Variants in ZNF721 observed in about 807,000 individuals in gnomAD.
ZNF721 encodes zinc finger protein 721.
ZNF721 carries 2 observed loss-of-function variants against 2.4 expected under a neutral mutation model. The ratio of observed to expected loss-of-function variants is 0.82; its 90% CI spans 0.34 to 2.58. The LOEUF (loss-of-function observed/expected upper bound fraction) is 2.58, where lower values mean the gene tolerates loss of function less well. Ranked by LOEUF, ZNF721 falls within the 30% of genes most tolerant of loss-of-function variation. The pLI is 0.11. For synonymous variants in ZNF721, 398 were observed against 381.8 expected, an observed-to-expected ratio of 1.04 and a Z score of -0.50; for missense variants, 1,187 against 1,085.5, an observed-to-expected ratio of 1.09 and a Z score of -1.31.
chr4:442,138 C>T lies in ZNF721; in HGVS notation c.2329G>A (p.Gly777Arg), dbSNP rs1374867517. ...HLNRHEKIHTGKKPYKCKECG... is the reference protein window; with the variant it reads ...HLNRHEKIHTRKKPYKCKECG... ...TCCTTACATTTGTAGGGTTTCTTTC[C>T]AGTATGAATTTTCTCATGTCTATTC... Residue 777 changes from glycine (G) to arginine (R), a missense_variant, in exon 3 of 3, where the codon GGA (glycine) becomes AGA (arginine). Gly to Arg is a moderately radical substitution (Grantham distance 125, BLOSUM62 -2). Coordinates refer to ENST00000511833, the MANE Select transcript of ZNF721 (RefSeq NM_133474.4). 15 of 1,613,446 alleles carry T rather than the reference C, an allele frequency of 9.3e-6. No homozygotes were observed. Among genetic ancestry groups the T allele is most frequent in the Non-Finnish European group, 1.3e-5 (15 of 1,179,674 alleles).
intron 1 of ZNF721, among the ~76,000 whole-genome samples, chr4:495,042 C>A (rs1716114668): frequency 6.6e-6 from 1 of 151,864 alleles, no homozygotes; most frequent in Non-Finnish European, 1.5e-5. Context: ...GCCACCATGC[C>A]CGGCTAATTT....
chr4:442,947 C>T lies in ZNF721; in HGVS notation c.1520G>A (p.Gly507Asp). Reference protein sequence around the residue: ...GEKPFECLECGKAFTSSTTLT... With the variant: ...GEKPFECLECDKAFTSSTTLT... ...GGTTGTGGAACTAGTAAACGCTTTA[C>T]CACATTCTAAACATTCAAAGGGTTT... Residue 507 changes from glycine (G) to aspartate (D), a missense_variant, in exon 3 of 3, where the codon GGT becomes GAT. Gly to Asp is a moderately conservative substitution (Grantham distance 94, BLOSUM62 -1). Coordinates refer to ENST00000511833, the MANE Select transcript of ZNF721 (RefSeq NM_133474.4). The T allele has an allele frequency of 6.2e-7, 1 of 1,613,844 alleles. No individual in the cohort carries two copies. The highest frequency in any genetic ancestry group is 8.5e-7 in the Non-Finnish European group (1 of 1,179,862).
At chr4:495,951 A>T (rs1553872149) in intron 1 of ZNF721, among the ~76,000 whole-genome samples, 1 of 152,134 alleles carries the variant, frequency 6.6e-6, no homozygotes, top group Non-Finnish European at 1.5e-5. Context: ...AATCTTTTTA[A>T]ATCTCATTAC....
chr4:454,825 C>T (rs781959406), intron 2 of ZNF721, among the ~76,000 whole-genome samples: 3 of 152,222 alleles, frequency 2.0e-5, no homozygotes, highest in Non-Finnish European at 2.9e-5. Context: ...GGAGAAATCT[C>T]TATTTCAATC....
chr4:471,806 T>C (rs1334758388), intron 2 of ZNF721, among the ~76,000 whole-genome samples: 1 of 152,152 alleles, frequency 6.6e-6, no homozygotes, highest in Non-Finnish European at 1.5e-5. Context: ...CTTGATTATA[T>C]TTTACTTTAC....
At chr4:484,567 T>C (rs1299480039) in intron 1 of ZNF721, among the ~76,000 whole-genome samples, 2 of 152,226 alleles carry the variant, frequency 1.3e-5, no homozygotes, top group Non-Finnish European at 2.9e-5. Flanking sequence ...TATAGGCTTA[T>C]AAACAGCGCC....
intron 1 of ZNF721, among the ~76,000 whole-genome samples, chr4:474,803 G>A (rs78949552): frequency 0.18 from 26,679 of 151,998 alleles, 2,919 homozygotes; most frequent in Non-Finnish European, 0.23. Flanking sequence ...TTGAACCTGG[G>A]GGGTGGAGGT....
Position 443,463 on chromosome 4 carries a change from C to A in ZNF721, c.1004G>T (p.Cys335Phe). Residue 335 changes from cysteine to phenylalanine, a missense_variant, in exon 3 of 3, where the codon TGT (cysteine) becomes TTT (phenylalanine). Transcript: ENST00000511833. Reference sequence around the variant, plus strand: ...TCTAAAGGTTTTGCCACATTCTCCACATGTGTAGGGTTTCTCTCCAGTATG... The same window carrying A: ...TCTAAAGGTTTTGCCACATTCTCCAAATGTGTAGGGTTTCTCTCCAGTATG... ...RIHTGEKPYT[C>F]GECGKTFRQS... is the part of the protein sequence containing the mutation. The A allele has an allele frequency of 1.2e-6, 2 of 1,612,120 alleles. No homozygotes were observed. The highest frequency in any genetic ancestry group is 1.1e-5 in the South Asian group (1 of 90,986).
At chr4:446,811 G>C (rs1714490754) in intron 2 of ZNF721, among the ~76,000 whole-genome samples, 1 of 151,874 alleles carries the variant, frequency 6.6e-6, no homozygotes, top group Non-Finnish European at 1.5e-5. Flanking sequence ...TCCTGCCTCA[G>C]CCTCCCAAGT....
At chr4:458,149 A>T (rs932188836) in intron 2 of ZNF721, among the ~76,000 whole-genome samples, 14 of 152,244 alleles carry the variant, frequency 9.2e-5, no homozygotes, top group South Asian at 2.1e-4. Flanking sequence ...ATTGATTTGT[A>T]TCAGCACCTT....
At position 441,920 on chromosome 4, in the gene ZNF721, T is replaced by G. The variant is rs374984473; in HGVS notation, c.2547A>C (p.Ser849=). ...CEECGKAFRQ[S]AILYVHRRIH... ...TTCTCCTATGTACATAAAGGATTGC[T>G]GACTGTCTAAAGGCTTTGCCACATT... is the stretch of plus-strand genomic sequence containing the variant. Residue 849 remains serine (S), a synonymous_variant, in exon 3 of 3, where the codon TCA becomes TCC. Transcript: ENST00000511833. The G allele has an allele frequency of 6.2e-6, 10 of 1,613,426 alleles. No homozygotes were observed. In the African/African-American group the frequency reaches 6.7e-5, roughly 11 times the overall value.
At chr4:481,563 G>C (rs1715769099) in intron 1 of ZNF721, among the ~76,000 whole-genome samples, 1 of 146,790 alleles carries the variant, frequency 6.8e-6, no homozygotes, top group Non-Finnish European at 1.5e-5. Context: ...ACACATCTTT[G>C]TTCTTTTCTT....
At position 486,158 on chromosome 4, in the gene ZNF721, TTC is replaced by T. The variant is rs202203792; in HGVS notation, c.-94+12896_-94+12897del. Among the ~76,000 whole-genome samples the T allele has an allele frequency of 1.2e-3, 117 of 93,776 alleles. 1 individual carries two copies. The highest frequency in any genetic ancestry group is 2.7e-3 in the South Asian group (8 of 2,976). The allele number at this position is 93,776 out of a possible 152,430, so 61.5% of individuals were successfully genotyped here. On this transcript the variant is annotated intron_variant, in intron 1 of 2. Transcript: ENST00000511833. Reference sequence around the variant, plus strand: ...TGGTTGAGTGTGATTTCTTTTTTTTTTCTTTTCTTTTTTTTTTTTGAGACGGA... The same window carrying T: ...TGGTTGAGTGTGATTTCTTTTTTTTTTTTTCTTTTTTTTTTTTGAGACGGA...
intron 2 of ZNF721, among the ~76,000 whole-genome samples, chr4:463,856 T>C (rs1715152691): frequency 6.6e-6 from 1 of 152,194 alleles, no homozygotes; most frequent in South Asian, 2.1e-4. Context: ...TGTATACCTA[T>C]GTAACAAACC....
chr4:460,501 A>G (rs1207634309), intron 2 of ZNF721, among the ~76,000 whole-genome samples: 1 of 152,146 alleles, frequency 6.6e-6, no homozygotes, highest in Non-Finnish European at 1.5e-5. Flanking sequence ...CCTAAAATTG[A>G]CACCTTATCA....
chr4:472,201 C>G (rs1715458117), intron 2 of ZNF721, among the ~76,000 whole-genome samples: 1 of 152,198 alleles, frequency 6.6e-6, no homozygotes. Context: ...AGCTGGATTA[C>G]AGGCACCTGC....
chr4:450,720 G>A (rs941032095), intron 2 of ZNF721, among the ~76,000 whole-genome samples: 24 of 151,528 alleles, frequency 1.6e-4, no homozygotes, highest in Non-Finnish European at 2.9e-4. Context: ...GGCACATCAC[G>A]ACGTCAGGAG....
intron 2 of ZNF721, among the ~76,000 whole-genome samples, chr4:457,026 C>A (rs1055470893): frequency 2.0e-5 from 3 of 152,164 alleles, no homozygotes; most frequent in East Asian, 3.8e-4. Context: ...CCTTTAACTA[C>A]AGTTTTCAAC....
At chr4:482,312 T>C (rs545109883) in intron 1 of ZNF721, among the ~76,000 whole-genome samples, 10 of 152,154 alleles carry the variant, frequency 6.6e-5, no homozygotes, top group Admixed American at 1.3e-4. Flanking sequence ...TACAGGCATG[T>C]GCCACCACAC....
Sources: gnomAD v4.1 joint callset for allele counts (sites outside exome capture counted in the v4.1 genomes callset) on GRCh38, gnomAD v4.1.1 for gene constraint, MANE v1.5 for transcripts, NCBI Gene and HGNC (gene_info 2026-07-23, HGNC 2026-07-21) for gene names.